The following DOK1 variants were observed in gnomAD, a reference collection of about 807,000 sequenced individuals.
The protein encoded by DOK1 is Downstream of tyrosine kinase 1.
In DOK1, 12 loss-of-function variants were observed where a neutral mutation model predicts 24.0. That is an observed-to-expected ratio of 0.50 (90% CI 0.32 to 0.81). The LOEUF (loss-of-function observed/expected upper bound fraction) is 0.81, where lower values mean the gene tolerates loss of function less well. Ranked by LOEUF, DOK1 falls within the 30% of genes least tolerant of loss-of-function variation. DOK1 has a pLI of 0.03. For synonymous variants in DOK1, 250 were observed against 260.9 expected, an observed-to-expected ratio of 0.96 and a Z score of 0.40; for missense variants, 591 against 620.7, an observed-to-expected ratio of 0.95 and a Z score of 0.51.
In DOK1 at chr2:74,557,496, C is replaced by A; in HGVS notation, c.*382C>A. 5.5e-6 allele frequency: 1 copy of A among 182,184 alleles called. No individual in the cohort carries two copies. The highest frequency in any genetic ancestry group is 1.2e-5 in the Non-Finnish European group (1 of 86,952). 11.3% of individuals were successfully genotyped at this position (182,184 alleles called of 1,614,324 possible). On this transcript the variant is annotated 3_prime_UTR_variant, in exon 5 of 5. Coordinates refer to ENST00000233668, the MANE Select transcript of DOK1 (RefSeq NM_001381.5). The stretch of plus-strand genomic sequence containing the variant: ...TCCTTACTCCTGCATTGTTCTTTGC[C>A]AGAGACCTATTTAAAAATTTTAAAA...
rs554375106 is a variant in DOK1, at chr2:74,555,714, G to A, written c.454+46G>A. On this transcript the variant is annotated intron_variant, in intron 3 of 4. Coordinates refer to ENST00000233668, the MANE Select transcript of DOK1 (RefSeq NM_001381.5). The surrounding 1 kb of genome is among the most constrained non-coding windows in gnomAD (Gnocchi z 6.1). ...GGCAGGGATGGAGTGAAGAGGAGGA[G>A]GGCCGAGGGCCTTTGGGAAGTGGGT... 1 of 1,611,718 alleles carries A rather than the reference G, an allele frequency of 6.2e-7. No homozygotes were observed. The highest frequency in any genetic ancestry group is 1.7e-5 in the Admixed American group (1 of 59,792).
rs200468716 is a variant in DOK1 at position 74,555,135 on chromosome 2, ACTCT to A, written c.61-9_61-6del. On this transcript the variant is annotated splice_polypyrimidine_tract_variant and intron_variant, in intron 1 of 4. Transcript: ENST00000233668. This position sits in a 1 kb window ranked among gnomAD's most constrained non-coding sequence, Gnocchi z 6.1. The stretch of plus-strand genomic sequence containing the variant: ...CTGCGCACGCCACTCCCTCTCGAGC[ACTCT>A]CTCTCTCTCCCTAGAGGTGGAGGAA... 59 of 1,589,990 alleles carry A rather than the reference ACTCT, an allele frequency of 3.7e-5. No individual in the cohort carries two copies. Among genetic ancestry groups the A allele is most frequent in the Admixed American group, 5.1e-5 (3 of 58,522 alleles).
Position 74,555,946 on chromosome 2 carries a change from C to G in DOK1, c.507C>G (p.Gly169=), listed in dbSNP as rs540742079. The change falls in exon 4 of 5, where the codon GGC becomes GGG. Residue 169 remains glycine (G), a synonymous_variant. Coordinates refer to ENST00000233668, the MANE Select transcript of DOK1 (RefSeq NM_001381.5). This position sits in a 1 kb window ranked among gnomAD's most constrained non-coding sequence, Gnocchi z 6.1. ...VQRTEAAERC[G]LHGSYVLRVE... ...GGACTGAGGCCGCCGAGCGCTGTGG[C>G]CTGCATGGCTCCTACGTGCTGAGGG... is the stretch of plus-strand genomic sequence containing the variant. 6.2e-7 allele frequency: 1 copy of G among 1,613,684 alleles called. No homozygotes were observed. Among genetic ancestry groups the G allele is most frequent in the East Asian group, 2.2e-5 (1 of 44,882 alleles).
At position 74,549,211 on chromosome 2, in the gene DOK1, T is replaced by G; in HGVS notation, c.-358+39T>G. ...GCACCTTTCGTGGTCCCACAAGATT[T>G]CCCAACTCTCCAGCTTTGCAACGGC... On this transcript the variant is annotated intron_variant, in intron 1 of 4. Coordinates refer to the DOK1 transcript ENST00000409429. This position sits in a 1 kb window ranked among gnomAD's most constrained non-coding sequence, Gnocchi z 5.3. The G allele has an allele frequency of 1.3e-6, 1 of 792,142 alleles. No homozygotes were observed. Among genetic ancestry groups the G allele is most frequent in the South Asian group, 2.2e-5 (1 of 44,606 alleles). 49.1% of individuals were successfully genotyped at this position (792,142 alleles called of 1,614,324 possible). A position where few individuals can be genotyped will look rare whatever the true frequency, so the allele number is the denominator to read the frequency against.
rs1332728461 is a variant in DOK1, at chr2:74,557,002, A to T, written c.1334A>T (p.Asn445Ile). The T allele has an allele frequency of 6.2e-7, 1 of 1,614,212 alleles. No individual in the cohort carries two copies. Among genetic ancestry groups the T allele is most frequent in the Non-Finnish European group, 8.5e-7 (1 of 1,180,038 alleles). ...TATGSGIKSH[N>I]SALYSQVQKS... ...ACTGGCAGTGGCATCAAAAGCCACA[A>T]CTCAGCCCTGTACAGCCAGGTCCAG... Residue 445 changes from asparagine (N) to isoleucine (I), a missense_variant, in exon 5 of 5, where the codon AAC becomes ATC. By Grantham distance (149) the Asn-to-Ile change is moderately radical. Coordinates refer to ENST00000233668, the MANE Select transcript of DOK1 (RefSeq NM_001381.5).
chr2:74,554,615 C>T (rs1040788213), upstream of DOK1: 44 of 755,246 alleles, frequency 5.8e-5, no homozygotes, highest in East Asian at 7.8e-4. This position sits in a 1 kb window ranked among gnomAD's most constrained non-coding sequence, Gnocchi z 4.9. Flanking sequence ...TCGCTCCTCT[C>T]CCTCACCCCA....
chr2:74,551,119 G>C (rs1044919534), upstream of DOK1, among the ~76,000 whole-genome samples: 2 of 152,128 alleles, frequency 1.3e-5, no homozygotes, highest in Non-Finnish European at 2.9e-5. Flanking sequence ...TTGTAGTAGA[G>C]ACAGGGTTTC....
At position 74,554,860 on chromosome 2, in the gene DOK1, G is replaced by GT. The variant is rs767325562; in HGVS notation, c.60+47dup. On this transcript the variant is annotated intron_variant, in intron 1 of 4. Transcript: ENST00000233668. The surrounding 1 kb of genome is among the most constrained non-coding windows in gnomAD (Gnocchi z 4.9). ...CGAACCTTATCCGGGCTAGTAGTGG[G>GT]TGAGAGAGCCCAGAAACAGGGAGAG... The GT allele has an allele frequency of 9.9e-6, 16 of 1,609,830 alleles. No individual in the cohort carries two copies. In the African/African-American group the frequency reaches 2.0e-4, roughly 20 times the overall value.
chr2:74,550,597 A>G (rs1311124864), upstream of DOK1, among the ~76,000 whole-genome samples: 1 of 152,152 alleles, frequency 6.6e-6, no homozygotes, highest in South Asian at 2.1e-4. Context: ...AAAACCAAGA[A>G]TCAACCCTGA....
upstream of DOK1, chr2:74,554,274 C>T (rs533973522): frequency 9.0e-4 from 144 of 160,772 alleles, 1 homozygote; most frequent in South Asian, 6.1e-3. The surrounding 1 kb of genome is among the most constrained non-coding windows in gnomAD (Gnocchi z 4.9). Flanking sequence ...AGCGGTTCAA[C>T]CCCAGCCCTC....
upstream of DOK1, chr2:74,550,475 A>G: frequency 9.6e-7 from 1 of 1,043,968 alleles, no homozygotes; most frequent in Non-Finnish European, 1.4e-6. Flanking sequence ...TTCTGGTATG[A>G]TAAGGGGTGG....
chr2:74,553,574 C>G (rs1170424356), upstream of DOK1, among the ~76,000 whole-genome samples: 1 of 152,236 alleles, frequency 6.6e-6, no homozygotes, highest in Non-Finnish European at 1.5e-5. Context: ...ATGCTTCCCC[C>G]AACCCAAACA....
Position 74,555,737 on chromosome 2 carries a change from G to T in DOK1, c.454+69G>T. On this transcript the variant is annotated intron_variant, in intron 3 of 4. Transcript: ENST00000233668. This position sits in a 1 kb window ranked among gnomAD's most constrained non-coding sequence, Gnocchi z 6.1. ...GAGGGCCGAGGGCCTTTGGGAAGTG[G>T]GTGGATACCCAGGGGCCCATGGGGA... 1 of 1,607,326 alleles carries T rather than the reference G, an allele frequency of 6.2e-7. No homozygotes were observed. Among genetic ancestry groups the T allele is most frequent in the Middle Eastern group, 1.8e-4 (1 of 5,464 alleles).
At position 74,549,539 on chromosome 2, in the gene DOK1, G is replaced by T. The variant is rs1427925445; in HGVS notation, c.-358+367G>T. 1 of 1,612,222 alleles carries T rather than the reference G, an allele frequency of 6.2e-7. No individual in the cohort carries two copies. The highest frequency in any genetic ancestry group is 1.7e-5 in the Admixed American group (1 of 59,954). On this transcript the variant is annotated intron_variant, in intron 1 of 4. Coordinates refer to the DOK1 transcript ENST00000409429. This position sits in a 1 kb window ranked among gnomAD's most constrained non-coding sequence, Gnocchi z 5.3. Reference sequence around the variant, plus strand: ...GCAGGGGTCGTCTGCCCCACCCAACGGCGGGTCGAATTCGCACCTCCTCCA... The same window carrying T: ...GCAGGGGTCGTCTGCCCCACCCAACTGCGGGTCGAATTCGCACCTCCTCCA...
chr2:74,555,493 A>T lies in DOK1; in HGVS notation c.360+40A>T, dbSNP rs550073039. ...CGATGCGGGGTGGGGGCAGTTACAG[A>T]GGCAGAGAAATGGGGCTGCCTCAGA... On this transcript the variant is annotated intron_variant, in intron 2 of 4. Transcript: ENST00000233668. This position sits in a 1 kb window ranked among gnomAD's most constrained non-coding sequence, Gnocchi z 6.1. 4 of 1,610,162 alleles carry T rather than the reference A, an allele frequency of 2.5e-6. No individual in the cohort carries two copies. The Admixed American group carries it at 6.7e-5, about 27-fold the overall frequency.
upstream of DOK1, chr2:74,549,767 C>T (rs552410033): frequency 4.2e-6 from 6 of 1,428,574 alleles, no homozygotes; most frequent in African/African-American, 1.4e-5. The surrounding 1 kb of genome is among the most constrained non-coding windows in gnomAD (Gnocchi z 5.3). Context: ...CAGCCAGCAG[C>T]GCGTGGGATG....
upstream of DOK1, among the ~76,000 whole-genome samples, chr2:74,550,602 C>A (rs1676944696): frequency 6.6e-6 from 1 of 152,164 alleles, no homozygotes; most frequent in Non-Finnish European, 1.5e-5. Flanking sequence ...CAAGAATCAA[C>A]CCTGAAGTTC....
At chr2:74,554,356 T>G (rs1573036083), upstream of DOK1, 10 of 187,886 alleles carry the variant, frequency 5.3e-5, no homozygotes, top group South Asian at 9.5e-5. The surrounding 1 kb of genome is among the most constrained non-coding windows in gnomAD (Gnocchi z 4.9). Context: ...CCGGCCAGGG[T>G]AAATAAAGCC....
In DOK1 at chr2:74,556,608, C is replaced by G. The variant is rs746692608; in HGVS notation, c.940C>G (p.Leu314Val). 1 of 1,614,258 alleles carries G rather than the reference C, an allele frequency of 6.2e-7. No individual in the cohort carries two copies. Among genetic ancestry groups the G allele is most frequent in the South Asian group, 1.1e-5 (1 of 91,090 alleles). Residue 314 changes from leucine (L) to valine (V), a missense_variant, in exon 5 of 5, where the codon CTA becomes GTA. Physicochemically the swap from Leu to Val is conservative, Grantham distance 32. Coordinates refer to ENST00000233668, the MANE Select transcript of DOK1 (RefSeq NM_001381.5). This position sits in a 1 kb window ranked among gnomAD's most constrained non-coding sequence, Gnocchi z 4.1. ...RIAPCPSQDS[L>V]YSDPLDSTSA... ...TGCTCCATGCCCTTCCCAGGACTCC[C>G]TATACTCAGACCCCTTGGACAGCAC... is the stretch of plus-strand genomic sequence containing the variant.
Sources: allele counts gnomAD v4.1 joint callset (sites outside exome capture counted in the v4.1 genomes callset), GRCh38; gene constraint gnomAD v4.1.1; non-coding constraint Gnocchi (gnomAD v3.1); transcripts MANE v1.5; gene names NCBI Gene and HGNC (gene_info 2026-07-23, HGNC 2026-07-21).